SLC51B: variants seen among roughly 807,000 people sequenced by gnomAD.
The protein encoded by SLC51B is SLC51 subunit beta.
SLC51B carries 6 observed loss-of-function variants against 8.0 expected under a neutral mutation model. The ratio of observed to expected loss-of-function variants is 0.75; its 90% CI spans 0.41 to 1.48. SLC51B has a LOEUF of 1.48. Ranked by LOEUF, SLC51B falls within the 40% of genes most tolerant of loss-of-function variation. The pLI, the probability that SLC51B is intolerant of heterozygous loss-of-function variation, is 0.01. For missense variants in SLC51B, 150 were observed against 149.7 expected (o/e 1.00, Z -0.01); for synonymous variants, 61 against 54.8 (o/e 1.11, Z -0.50).
At chr15:65,049,170 C>T (rs2086614399) in intron 1 of SLC51B, 1 of 151,830 alleles carries the variant, frequency 6.6e-6, no homozygotes. Context: ...TACAAGAAGA[C>T]GTCAAAATGT....
intron 2 of SLC51B, among the ~76,000 whole-genome samples, chr15:65,050,327 T>C (rs2086633601): frequency 6.6e-6 from 1 of 151,930 alleles, no homozygotes; most frequent in African/African-American, 2.4e-5. Flanking sequence ...AATCATCACA[T>C]TTATTAAGCT....
intron 3 of SLC51B, among the ~76,000 whole-genome samples, chr15:65,052,356 G>C (rs1009852119): frequency 6.6e-6 from 1 of 150,706 alleles, no homozygotes; most frequent in Non-Finnish European, 1.5e-5. Context: ...GGATTCAAGA[G>C]TCAGGAGGCT....
chr15:65,051,115 A>T (rs1320190896), intron 2 of SLC51B, among the ~76,000 whole-genome samples: 2 of 151,960 alleles, frequency 1.3e-5, no homozygotes, highest in Non-Finnish European at 2.9e-5. Flanking sequence ...AAGTGCTGGG[A>T]TTATAGGCGT....
Position 65,050,229 on chromosome 15 carries a change from CAG to C in SLC51B, c.97+129_97+130del. The C allele has an allele frequency of 8.1e-6, 6 of 740,210 alleles. No homozygotes were observed. In the South Asian group the frequency reaches 1.1e-4, roughly 13 times the overall value. The allele number at this position is 740,210 out of a possible 1,614,324, so 45.9% of individuals were successfully genotyped here. A position where few individuals can be genotyped will look rare whatever the true frequency, so the allele number is the denominator to read the frequency against. ...GTACATTTCCTCCAAGACAGGGAAT[CAG>C]TCGGGGTGTCTCAGTACCCAGAGGG... is the stretch of plus-strand genomic sequence containing the variant. On this transcript the variant is annotated intron_variant, in intron 2 of 3. Coordinates refer to ENST00000334287, the MANE Select transcript of SLC51B (RefSeq NM_178859.4).
Position 65,051,452 on chromosome 15 carries a change from G to C in SLC51B, c.98-63G>C, listed in dbSNP as rs561308579. ...CTGGGTCTGAGCCCAGGCCCCAGCT[G>C]TTAGCGGGCTTGAGAGGTGCCTGGC... On this transcript the variant is annotated intron_variant, in intron 2 of 3. Coordinates refer to ENST00000334287, the MANE Select transcript of SLC51B (RefSeq NM_178859.4). 9.3e-6 allele frequency: 14 copies of C among 1,511,396 alleles called. No individual in the cohort carries two copies. The African/African-American group carries it at 1.8e-4, about 19-fold the overall frequency. The allele number at this position is 1,511,396 out of a possible 1,614,324, so 93.6% of individuals were successfully genotyped here.
chr15:65,045,939 G>A (rs1278881216), intron 1 of SLC51B, among the ~76,000 whole-genome samples: 1 of 151,816 alleles, frequency 6.6e-6, no homozygotes, highest in Non-Finnish European at 1.5e-5. Context: ...GCCGAGGCAG[G>A]CCGATCACCT....
At chr15:65,050,456 G>A (rs907212873) in intron 2 of SLC51B, among the ~76,000 whole-genome samples, 4 of 152,226 alleles carry the variant, frequency 2.6e-5, no homozygotes, top group African/African-American at 9.7e-5. Flanking sequence ...CAACTAAAAC[G>A]CATAGTGCGT....
intron 1 of SLC51B, among the ~76,000 whole-genome samples, chr15:65,047,973 G>A (rs1007693819): frequency 6.6e-5 from 10 of 152,108 alleles, no homozygotes; most frequent in African/African-American, 2.4e-4. Flanking sequence ...GATGTCACGA[G>A]TTCAAGACCA....
chr15:65,051,697 G>A (rs2946676), intron 3 of SLC51B, 92 bp downstream of exon 3: 1,050,557 of 1,190,930 alleles, frequency 0.88, 463,788 homozygotes, highest in East Asian at 0.98. Context: ...TCACTTAGGG[G>A]TCATTGCTGT....
chr15:65,051,731 C>G, intron 3 of SLC51B, 126 bp downstream of exon 3: 2 of 784,300 alleles, frequency 2.6e-6, no homozygotes, highest in South Asian at 1.6e-5. Flanking sequence ...CAGCAAAATT[C>G]AGCCTTCAGT....
chr15:65,053,103 A>G lies in SLC51B; in HGVS notation c.326A>G (p.Glu109Gly), dbSNP rs1397145569. 1.9e-6 allele frequency: 3 copies of G among 1,614,132 alleles called. No homozygotes were observed. The highest frequency in any genetic ancestry group is 2.2e-5 in the South Asian group (2 of 91,078). ...CCAAACTTGGCCCAGGTGGAACTTG[A>G]GTTAAAAGAGAGAGATGTGCTGTCA... ...EKPNLAQVEL[E>G]LKERDVLSVF... Residue 109 changes from glutamate to glycine, a missense_variant, in exon 4 of 4, where the codon GAG (glutamate) becomes GGG (glycine). Physicochemically the swap from Glu to Gly is moderately conservative, Grantham distance 98. Coordinates refer to ENST00000334287, the MANE Select transcript of SLC51B (RefSeq NM_178859.4).
chr15:65,048,378 ACT>A (rs1384289989), intron 1 of SLC51B, among the ~76,000 whole-genome samples: 4 of 151,770 alleles, frequency 2.6e-5, no homozygotes, highest in East Asian at 3.9e-4. Flanking sequence ...GCTAGAGGAA[ACT>A]CTGATGTAAA....
At chr15:65,050,836 C>CTTCTTTTTTT (rs759242705) in intron 2 of SLC51B, among the ~76,000 whole-genome samples, 1 of 95,650 alleles carries the variant, frequency 1.0e-5, no homozygotes, top group African/African-American at 4.3e-5. Context: ...TCTTCTTCTT[C>CTTCTTTTTTT]TTTTTTTTTT....
At chr15:65,052,902 G>T in intron 3 of SLC51B, 64 bp from the exon 4 acceptor site, 1 of 1,513,354 alleles carries the variant, frequency 6.6e-7, no homozygotes, top group Non-Finnish European at 9.0e-7. Context: ...TAAGCCATTT[G>T]GGCGACCCAG....
intron 2 of SLC51B, 132 bp downstream of exon 2, chr15:65,050,233 CG>C: frequency 1.4e-6 from 1 of 721,930 alleles, no homozygotes; most frequent in Non-Finnish European, 2.3e-6. Flanking sequence ...GGGAATCAGT[CG>C]GGGTGTCTCA....
At chr15:65,052,569 G>A (rs2086667759) in intron 3 of SLC51B, among the ~76,000 whole-genome samples, 1 of 151,960 alleles carries the variant, frequency 6.6e-6, no homozygotes, top group South Asian at 2.1e-4. Context: ...GCTAATTTTT[G>A]TATTTTTAGT....
Position 65,053,145 on chromosome 15 carries a change from T to C in SLC51B, c.368T>C (p.Val123Ala), listed in dbSNP as rs1480906378. ...GTGCTGTCAGTTTTCCTTCCGGATG[T>C]ACCAGAAACTGAGAGCTAGTGAGGG... ...RDVLSVFLPDVPETES is the reference protein window; with the variant it reads ...RDVLSVFLPDAPETES The change falls in exon 4 of 4, where the codon GTA (valine) becomes GCA (alanine). Residue 123 changes from valine (V) to alanine (A), a missense_variant. By Grantham distance (64) the Val-to-Ala change is moderately conservative (BLOSUM62 0). Transcript: ENST00000334287. 9.9e-6 allele frequency: 16 copies of C among 1,614,000 alleles called. No individual in the cohort carries two copies. Among genetic ancestry groups the C allele is most frequent in the Non-Finnish European group, 1.0e-5 (12 of 1,179,998 alleles).
intron 2 of SLC51B, among the ~76,000 whole-genome samples, chr15:65,051,070 C>T (rs142907492): frequency 0.021 from 3,267 of 152,040 alleles, 110 homozygotes; most frequent in African/African-American, 0.073. Flanking sequence ...TCTTGAACTC[C>T]CGACCTCAGG....
rs989710646 is a variant in SLC51B at position 65,053,272 on chromosome 15, CTTTTT to C, written c.*109_*113del. The C allele has an allele frequency of 5.8e-5, 83 of 1,435,702 alleles. No homozygotes were observed. The highest frequency in any genetic ancestry group is 1.2e-4 in the Admixed American group (4 of 34,558). The allele number at this position is 1,435,702 out of a possible 1,614,324, so 88.9% of individuals were successfully genotyped here. Reference sequence around the variant, plus strand: ...GTCTCTCCCAAGAAGCCGCTTTTTTCTTTTTCTTTCTTTCTTTTTTTTTTTCTTAG... The same window carrying C: ...GTCTCTCCCAAGAAGCCGCTTTTTTCCTTTCTTTCTTTTTTTTTTTCTTAG... On this transcript the variant is annotated 3_prime_UTR_variant, in exon 4 of 4. Transcript: ENST00000334287.
Sources: gnomAD v4.1 joint callset for allele counts (sites outside exome capture counted in the v4.1 genomes callset) on GRCh38, gnomAD v4.1.1 for gene constraint, MANE v1.5 for transcripts, NCBI Gene and HGNC (gene_info 2026-07-23, HGNC 2026-07-21) for gene names.